Variants in CPQ observed in about 807,000 individuals in gnomAD.
The protein encoded by CPQ is Ser-Met dipeptidase.
In CPQ, 37 loss-of-function variants were observed where a neutral mutation model predicts 45.7. The observed-to-expected ratio is 0.81, with a 90% CI of 0.62 to 1.07. The LOEUF is 1.07. Among genes scored for constraint, CPQ ranks in the 50% least tolerant of loss-of-function variants. The probability of loss-of-function intolerance (pLI) is 0.00; values close to 1 mark genes in which losing one functional copy is unlikely to be tolerated. For missense variants in CPQ, 537 were observed against 572.9 expected (o/e 0.94, Z 0.64); for synonymous variants, 186 against 205.8 (o/e 0.90, Z 0.82).
At chr8:96,679,446 T>G (rs951747077) in intron 1 of CPQ, among the ~76,000 whole-genome samples, 2 of 152,164 alleles carry the variant, frequency 1.3e-5, no homozygotes, top group Admixed American at 6.6e-5. Flanking sequence ...TAGAATGAAT[T>G]AGGAATAATT....
In CPQ at chr8:97,122,926, A is replaced by T. The variant is rs558748871; in HGVS notation, c.1256-20094A>T. On this transcript the variant is annotated intron_variant, in intron 7 of 7. Transcript: ENST00000220763. ...ATAAAATAAAATAAAATAAAATAAAATAAATAAAATAAAATAAAATAAAAT... is the reference window on the plus strand; with the variant it reads ...ATAAAATAAAATAAAATAAAATAAATTAAATAAAATAAAATAAAATAAAAT... 1.1e-3 allele frequency among the ~76,000 whole-genome samples: 63 copies of T among 58,166 alleles called. 1 individual carries two copies. The highest frequency in any genetic ancestry group is 3.0e-3 in the South Asian group (6 of 2,004). 38.2% of individuals were successfully genotyped at this position (58,166 alleles called of 152,430 possible).
chr8:96,744,201 G>C (rs896877361), intron 1 of CPQ, among the ~76,000 whole-genome samples: 4 of 151,242 alleles, frequency 2.6e-5, no homozygotes, highest in Non-Finnish European at 5.9e-5. Context: ...TAAGCCAGTC[G>C]GAAAAGCGCA....
At chr8:96,878,936 T>C (rs553601282) in intron 3 of CPQ, among the ~76,000 whole-genome samples, 6 of 152,294 alleles carry the variant, frequency 3.9e-5, no homozygotes, top group African/African-American at 1.2e-4. Flanking sequence ...GCTGTGACAG[T>C]TTGGTCCTGA....
intron 4 of CPQ, among the ~76,000 whole-genome samples, chr8:96,958,135 T>C (rs1246014806): frequency 1.3e-5 from 2 of 152,118 alleles, no homozygotes; most frequent in East Asian, 3.9e-4. Flanking sequence ...GCCACCATGC[T>C]CGGCCTTCTT....
At chr8:96,841,861 G>C (rs1349264456) in intron 3 of CPQ, among the ~76,000 whole-genome samples, 2 of 152,120 alleles carry the variant, frequency 1.3e-5, no homozygotes, top group African/African-American at 4.8e-5. Flanking sequence ...CATCTGGTGA[G>C]AGAGACATGA....
intron 7 of CPQ, among the ~76,000 whole-genome samples, chr8:97,073,973 C>T (rs554690787): frequency 3.3e-5 from 5 of 152,158 alleles, no homozygotes; most frequent in Admixed American, 6.5e-5. Context: ...CTGCTCTTCC[C>T]TCTTGCAGTA....
chr8:97,026,245 C>T (rs1809797271), intron 5 of CPQ, among the ~76,000 whole-genome samples: 1 of 152,186 alleles, frequency 6.6e-6, no homozygotes, highest in African/African-American at 2.4e-5. Context: ...CTACTATGTG[C>T]CAGGACTATG....
chr8:97,041,968 A>C (rs1255473190), intron 6 of CPQ, among the ~76,000 whole-genome samples: 27 of 151,994 alleles, frequency 1.8e-4, no homozygotes, highest in Non-Finnish European at 3.4e-4. Context: ...TGTCTCTGCC[A>C]GGCTTTGGTA....
chr8:97,005,364 G>A (rs1208606715), intron 5 of CPQ, among the ~76,000 whole-genome samples: 1 of 151,770 alleles, frequency 6.6e-6, no homozygotes, highest in African/African-American at 2.4e-5. Flanking sequence ...ACAGGCATGA[G>A]GCACCGCTCC....
At chr8:96,750,374 A>G (rs2130785118) in intron 1 of CPQ, among the ~76,000 whole-genome samples, 1 of 152,162 alleles carries the variant, frequency 6.6e-6, no homozygotes, top group Middle Eastern at 3.4e-3. Flanking sequence ...ATTCTTTCAG[A>G]TTGGTATTCT....
chr8:96,699,433 G>A (rs1809427528), intron 1 of CPQ, among the ~76,000 whole-genome samples: 1 of 152,010 alleles, frequency 6.6e-6, no homozygotes, highest in Admixed American at 6.6e-5. Context: ...GTACAACAGG[G>A]TGACTATAGT....
At chr8:96,884,822 T>C in intron 4 of CPQ, among the ~76,000 whole-genome samples, 1 of 152,192 alleles carries the variant, frequency 6.6e-6, no homozygotes, top group Non-Finnish European at 1.5e-5. Flanking sequence ...TAATTTAGGT[T>C]GACTAACTTC....
chr8:97,101,570 T>A (rs1191612679), intron 7 of CPQ, among the ~76,000 whole-genome samples: 1 of 79,644 alleles, frequency 1.3e-5, no homozygotes, highest in African/African-American at 5.1e-5. Flanking sequence ...TTTTTCTTTT[T>A]TCTTTTTTTT....
rs530745930 is a variant in CPQ at position 97,135,923 on chromosome 8, G to C, written c.1256-7097G>C. Among the ~76,000 whole-genome samples the C allele has an allele frequency of 1.5e-3, 225 of 152,304 alleles. 1 individual carries two copies. Among genetic ancestry groups the C allele is most frequent in the African/African-American group, 5.2e-3 (216 of 41,566 alleles). On this transcript the variant is annotated intron_variant, in intron 7 of 7. Transcript: ENST00000220763. ...ACATGAAAACTCACTGATTACATAT[G>C]AATGAGAGTCAACCTATAATAATGG...
In CPQ at chr8:97,051,579, A is replaced by G. The variant is rs529973108; in HGVS notation, c.1054-14430A>G. 3.9e-5 allele frequency among the ~76,000 whole-genome samples: 6 copies of G among 152,372 alleles called. No individual in the cohort carries two copies. In the South Asian group the frequency reaches 6.2e-4, roughly 16 times the overall value. Reference sequence around the variant, plus strand: ...AAGTAAAGAAAATTCTAAATTTTACATAGAGGTTAGTAAAAATAAAGATGT... The same window carrying G: ...AAGTAAAGAAAATTCTAAATTTTACGTAGAGGTTAGTAAAAATAAAGATGT... On this transcript the variant is annotated intron_variant, in intron 6 of 7. Coordinates refer to ENST00000220763, the MANE Select transcript of CPQ (RefSeq NM_016134.4).
At chr8:96,979,402 C>G (rs761810008) in intron 5 of CPQ, among the ~76,000 whole-genome samples, 1 of 152,186 alleles carries the variant, frequency 6.6e-6, no homozygotes, top group Non-Finnish European at 1.5e-5. Context: ...TTTGGAGTTG[C>G]TTAGCAAATT....
At chr8:97,040,973 T>C (rs1271510247) in intron 6 of CPQ, among the ~76,000 whole-genome samples, 1 of 151,844 alleles carries the variant, frequency 6.6e-6, no homozygotes, top group Non-Finnish European at 1.5e-5. Flanking sequence ...GCGGGCTCTT[T>C]TTTGGTTCCA....
At chr8:97,079,482 T>C (rs1319989784) in intron 7 of CPQ, among the ~76,000 whole-genome samples, 4 of 152,212 alleles carry the variant, frequency 2.6e-5, no homozygotes, top group Non-Finnish European at 4.4e-5. Flanking sequence ...ATTATTATTA[T>C]GTGACCAATT....
At chr8:97,087,580 C>A (rs1228918857) in intron 7 of CPQ, among the ~76,000 whole-genome samples, 7 of 152,130 alleles carry the variant, frequency 4.6e-5, no homozygotes, top group African/African-American at 1.7e-4. Context: ...ATTTAAAAAG[C>A]TTTTCCATTA....
Sources: allele counts gnomAD v4.1 joint callset (sites outside exome capture counted in the v4.1 genomes callset), GRCh38; gene constraint gnomAD v4.1.1; transcripts MANE v1.5; gene names NCBI Gene and HGNC (gene_info 2026-07-23, HGNC 2026-07-21).